ANGPT1: variants seen among roughly 807,000 people sequenced by gnomAD.
ANGPT1 encodes the protein angiopoietin 1, also known as angiopoietin-1.
In ANGPT1, 17 loss-of-function variants were observed where a neutral mutation model predicts 62.2. That is an observed-to-expected ratio of 0.27 (90% CI 0.19 to 0.41). The LOEUF is 0.41. Among genes scored for constraint, ANGPT1 ranks in the 10% least tolerant of loss-of-function variants. ANGPT1 has a pLI of 1.00. For synonymous variants in ANGPT1, 199 were observed against 198.9 expected (o/e 1.00, Z 0.00); for missense variants, 478 against 594.9 (o/e 0.80, Z 2.04).
intron 1 of ANGPT1, among the ~76,000 whole-genome samples, chr8:107,476,441 G>T (rs376174380): frequency 7.2e-5 from 11 of 152,102 alleles, no homozygotes; most frequent in East Asian, 5.8e-4. Flanking sequence ...GTCATGGGGT[G>T]GGGGGGAGCA....
At chr8:107,339,921 G>A (rs1307092793) in intron 2 of ANGPT1, among the ~76,000 whole-genome samples, 1 of 152,144 alleles carries the variant, frequency 6.6e-6, no homozygotes, top group Non-Finnish European at 1.5e-5. Flanking sequence ...CAGAAGTCCA[G>A]GCTAAATGCC....
intron 1 of ANGPT1, among the ~76,000 whole-genome samples, chr8:107,458,205 T>C (rs1323081160): frequency 6.6e-6 from 1 of 152,154 alleles, no homozygotes; most frequent in African/African-American, 2.4e-5. Flanking sequence ...TAATTGGGCA[T>C]TTTATGATCA....
intron 1 of ANGPT1, among the ~76,000 whole-genome samples, chr8:107,448,979 CATT>C (rs1332996646): frequency 2.0e-5 from 3 of 152,086 alleles, no homozygotes; most frequent in Admixed American, 6.5e-5. Context: ...TGGTCTGACT[CATT>C]GTTGGGGGAG....
intron 4 of ANGPT1, among the ~76,000 whole-genome samples, chr8:107,311,449 G>A (rs1337567600): frequency 6.6e-6 from 1 of 152,012 alleles, no homozygotes; most frequent in Non-Finnish European, 1.5e-5. Flanking sequence ...TTTTACTAAA[G>A]GGATACATTT....
At chr8:107,347,174 CA>C (rs534512941) in intron 1 of ANGPT1, 77 bp from the exon 2 acceptor site, 2 of 1,422,090 alleles carry the variant, frequency 1.4e-6, no homozygotes, top group Non-Finnish European at 1.9e-6. Flanking sequence ...TTTACAATAA[CA>C]AAACAAGACA....
At position 107,280,395 on chromosome 8, in the gene ANGPT1, G is replaced by A. The variant is rs1813976500; in HGVS notation, c.1205+4287C>T. 2.0e-5 allele frequency among the ~76,000 whole-genome samples: 3 copies of A among 152,136 alleles called. No homozygotes were observed. The South Asian group carries it at 6.2e-4, about 32-fold the overall frequency. ...TTTCTTTAACTACAAACAGTGCCTG[G>A]AAAGGGGACTTCAGCTGCAACCTGT... is the stretch of plus-strand genomic sequence containing the variant. On this transcript the variant is annotated intron_variant, in intron 7 of 8. Transcript: ENST00000517746.
intron 1 of ANGPT1, among the ~76,000 whole-genome samples, chr8:107,472,921 G>A (rs184059642): frequency 6.6e-6 from 1 of 152,034 alleles, no homozygotes; most frequent in East Asian, 1.9e-4. Flanking sequence ...TTGTAATTTT[G>A]CCCCATTTAT....
intron 1 of ANGPT1, among the ~76,000 whole-genome samples, chr8:107,366,436 T>G (rs1816274653): frequency 6.6e-6 from 1 of 152,178 alleles, no homozygotes; most frequent in Admixed American, 6.6e-5. Flanking sequence ...CAAAAGTATC[T>G]CTGTACAATT....
At chr8:107,345,616 G>A (rs566095884) in intron 2 of ANGPT1, among the ~76,000 whole-genome samples, 48 of 152,246 alleles carry the variant, frequency 3.2e-4, no homozygotes, top group African/African-American at 1.0e-3. Context: ...ACATGTGAGA[G>A]TATTTTGTAG....
Position 107,294,048 on chromosome 8 carries a change from G to A in ANGPT1, c.937-11C>T, listed in dbSNP as rs1406415089. On this transcript the variant is annotated splice_polypyrimidine_tract_variant and intron_variant, in intron 5 of 8. Transcript: ENST00000517746. Reference sequence around the variant, plus strand: ...CATATTGCAAAACACCTGACAAATGGAAAACAAAGTCAAGTAAAAAATACT... The same window carrying A: ...CATATTGCAAAACACCTGACAAATGAAAAACAAAGTCAAGTAAAAAATACT... 1.3e-6 allele frequency: 2 copies of A among 1,593,634 alleles called. No individual in the cohort carries two copies. The highest frequency in any genetic ancestry group is 1.7e-6 in the Non-Finnish European group (2 of 1,167,328).
At chr8:107,458,658 A>G (rs1188941638) in intron 1 of ANGPT1, among the ~76,000 whole-genome samples, 2 of 152,162 alleles carry the variant, frequency 1.3e-5, no homozygotes, top group Non-Finnish European at 2.9e-5. Context: ...TGATGCAACA[A>G]TATAACATTC....
chr8:107,347,204 T>C (rs983389632), intron 1 of ANGPT1, 107 bp from the exon 2 acceptor site: 7 of 1,149,492 alleles, frequency 6.1e-6, no homozygotes, highest in Non-Finnish European at 8.6e-6. Context: ...AAATCAGCCA[T>C]CTGGCGGGGA....
chr8:107,319,108 A>G (rs1815091437), intron 4 of ANGPT1, among the ~76,000 whole-genome samples: 1 of 152,214 alleles, frequency 6.6e-6, no homozygotes, highest in East Asian at 1.9e-4. Context: ...AGAAGAAACT[A>G]AAGTTTAATG....
intron 1 of ANGPT1, among the ~76,000 whole-genome samples, chr8:107,379,968 A>C (rs141078153): frequency 1.1e-3 from 174 of 152,278 alleles, no homozygotes; most frequent in Admixed American, 3.8e-3. Context: ...ACTGGTAAAA[A>C]ATGATGAAAG....
chr8:107,349,583 G>A (rs915429427), intron 1 of ANGPT1, among the ~76,000 whole-genome samples: 1 of 152,068 alleles, frequency 6.6e-6, no homozygotes, highest in Non-Finnish European at 1.5e-5. Context: ...CAGGCACAGA[G>A]CTACGTGTTT....
At chr8:107,370,220 GAGAA>G (rs1816360253) in intron 1 of ANGPT1, among the ~76,000 whole-genome samples, 1 of 93,608 alleles carries the variant, frequency 1.1e-5, no homozygotes, top group Non-Finnish European at 2.5e-5. Context: ...AGAAAGAAAG[GAGAA>G]AGGAAGGAAG....
intron 1 of ANGPT1, among the ~76,000 whole-genome samples, chr8:107,420,399 CA>C (rs1395512336): frequency 6.6e-6 from 1 of 151,976 alleles, no homozygotes; most frequent in East Asian, 1.9e-4. Context: ...AAAAAAACAA[CA>C]AAAAAATTGC....
At position 107,322,042 on chromosome 8, in the gene ANGPT1, C is replaced by A. The variant is rs1197550846; in HGVS notation, c.662G>T (p.Gly221Val). The change falls in exon 4 of 9, where the codon GGC (glycine) becomes GTC (valine). Residue 221 changes from glycine to valine, a missense_variant. Physicochemically the swap from Gly to Val is moderately radical, Grantham distance 109 (BLOSUM62 -3). This residue lies in a region of ANGPT1 where 343 missense variants were observed against 355.4 expected (regional missense o/e 0.97). Transcript: ENST00000517746. Reference protein sequence around the residue: ...TLKEEKENLQGLVTRQTYIIQ... With the variant: ...TLKEEKENLQVLVTRQTYIIQ... ...TATATATGTTTGACGAGTAACCAAG[C>A]CTTGAAGGTTCTCTTTCTCTTCCTT... is the stretch of plus-strand genomic sequence containing the variant. 1 of 1,613,888 alleles carries A rather than the reference C, an allele frequency of 6.2e-7. No homozygotes were observed. The highest frequency in any genetic ancestry group is 1.1e-5 in the South Asian group (1 of 91,080).
intron 1 of ANGPT1, among the ~76,000 whole-genome samples, chr8:107,400,221 C>T (rs1337196010): frequency 6.6e-6 from 1 of 152,180 alleles, no homozygotes; most frequent in Non-Finnish European, 1.5e-5. Flanking sequence ...AGTTAAGTCT[C>T]CATCCCCAAA....
Sources: allele counts gnomAD v4.1 joint callset (sites outside exome capture counted in the v4.1 genomes callset), GRCh38; gene constraint gnomAD v4.1.1; regional missense constraint gnomAD v4.1.1; transcripts MANE v1.5; gene names NCBI Gene and HGNC (gene_info 2026-07-23, HGNC 2026-07-21).